The following RGS10 variants were observed in gnomAD, a reference collection of about 807,000 sequenced individuals.
The protein encoded by RGS10 is regulator of G-protein signalling 10.
RGS10 carries 11 observed loss-of-function variants against 23.5 expected under a neutral mutation model. That is an observed-to-expected ratio of 0.47 (90% CI 0.29 to 0.77). The LOEUF (loss-of-function observed/expected upper bound fraction) is 0.77, where lower values mean the gene tolerates loss of function less well. Ranked by LOEUF, RGS10 falls within the 30% of genes least tolerant of loss-of-function variation. The pLI is 0.08. For synonymous variants in RGS10, 77 were observed against 83.2 expected, an observed-to-expected ratio of 0.92 and a Z score of 0.41; for missense variants, 180 against 226.3, an observed-to-expected ratio of 0.80 and a Z score of 1.31.
intron 1 of RGS10, among the ~76,000 whole-genome samples, chr10:119,531,426 G>A (rs1490491551): frequency 6.6e-6 from 1 of 152,142 alleles, no homozygotes; most frequent in Non-Finnish European, 1.5e-5. Context: ...ACGCTGTCTT[G>A]CAAATAAATA....
chr10:119,505,040 A>G (rs143487487), intron 4 of RGS10, among the ~76,000 whole-genome samples: 1 of 152,266 alleles, frequency 6.6e-6, no homozygotes, highest in African/African-American at 2.4e-5. Context: ...AACACAGAAA[A>G]TGAGATGGGC....
rs900413550 is a variant in RGS10 at position 119,538,679 on chromosome 10, G to T, written c.49+3911C>A. Among the ~76,000 whole-genome samples the T allele has an allele frequency of 2.1e-4, 32 of 152,116 alleles. No homozygotes were observed. The highest frequency in any genetic ancestry group is 7.5e-4 in the African/African-American group (31 of 41,392). ...TTGACAGATGGGAACTTGCTTGGAAGGGAAATTTGTCCCCACAAGTCTGCA... is the reference window on the plus strand; with the variant it reads ...TTGACAGATGGGAACTTGCTTGGAATGGAAATTTGTCCCCACAAGTCTGCA... On this transcript the variant is annotated intron_variant, in intron 1 of 4. Transcript: ENST00000369103. The surrounding 1 kb of genome is among the most constrained non-coding windows in gnomAD (Gnocchi z 4.5).
chr10:119,538,830 G>A lies in RGS10; in HGVS notation c.49+3760C>T, dbSNP rs974313554. 2.6e-5 allele frequency among the ~76,000 whole-genome samples: 4 copies of A among 152,132 alleles called. No homozygotes were observed. Among genetic ancestry groups the A allele is most frequent in the Non-Finnish European group, 4.4e-5 (3 of 68,024 alleles). ...GCTGCTGCAGCAAAGAACTATCTGG[G>A]GGAAGCAGAAGAAACTTGGGGGCAT... On this transcript the variant is annotated intron_variant, in intron 1 of 4. Transcript: ENST00000369103. This position sits in a 1 kb window ranked among gnomAD's most constrained non-coding sequence, Gnocchi z 4.5.
chr10:119,541,941 T>C (rs985389555), intron 1 of RGS10, among the ~76,000 whole-genome samples: 4 of 152,286 alleles, frequency 2.6e-5, no homozygotes, highest in African/African-American at 9.6e-5. Flanking sequence ...ACCTTCACCG[T>C]GGGGTCTTTG....
intron 3 of RGS10, 85 bp downstream of exon 3, chr10:119,525,947 A>C: frequency 1.6e-6 from 1 of 631,810 alleles, no homozygotes; most frequent in Non-Finnish European, 2.7e-6. Context: ...AATATGAATC[A>C]GGTTTCTTTA....
chr10:119,537,781 C>T (rs1240223857), intron 1 of RGS10, among the ~76,000 whole-genome samples: 1 of 152,176 alleles, frequency 6.6e-6, no homozygotes, highest in Admixed American at 6.5e-5. Flanking sequence ...GAAATATTTA[C>T]CAAGTGAACT....
At chr10:119,513,453 C>T (rs1277476420) in intron 4 of RGS10, among the ~76,000 whole-genome samples, 1 of 151,830 alleles carries the variant, frequency 6.6e-6, no homozygotes, top group Non-Finnish European at 1.5e-5. Context: ...GAGGGACATC[C>T]TGTCGCAAAA....
At chr10:119,542,484 TG>T in intron 1 of RGS10, 105 bp downstream of exon 1, 1 of 1,019,566 alleles carries the variant, frequency 9.8e-7, no homozygotes, top group Non-Finnish European at 1.3e-6. Flanking sequence ...GGCTCCAGTC[TG>T]GGAGGTACCA....
intron 1 of RGS10, among the ~76,000 whole-genome samples, chr10:119,529,907 C>T (rs1844315439): frequency 6.6e-6 from 1 of 152,038 alleles, no homozygotes; most frequent in Admixed American, 6.6e-5. Context: ...TCATGGCCAA[C>T]ATGGTGAAAC....
intron 4 of RGS10, among the ~76,000 whole-genome samples, chr10:119,514,959 G>A (rs17616940): frequency 0.018 from 2,747 of 152,198 alleles, 43 homozygotes; most frequent in Non-Finnish European, 0.025. Context: ...GAGGCCCTCC[G>A]CAAGTCTCCT....
intron 1 of RGS10, among the ~76,000 whole-genome samples, chr10:119,528,909 C>G (rs892045222): frequency 1.3e-5 from 2 of 151,708 alleles, no homozygotes; most frequent in African/African-American, 4.8e-5. Context: ...TTTTGGCAAC[C>G]CTCTTACATT....
intron 1 of RGS10, among the ~76,000 whole-genome samples, chr10:119,531,308 T>C (rs1844327621): frequency 6.6e-6 from 1 of 152,224 alleles, no homozygotes; most frequent in Non-Finnish European, 1.5e-5. Context: ...TCTCTTGCCA[T>C]GGCAGAACCA....
At chr10:119,520,365 G>A (rs1263158130) in intron 3 of RGS10, among the ~76,000 whole-genome samples, 2 of 152,134 alleles carry the variant, frequency 1.3e-5, no homozygotes, top group East Asian at 1.9e-4. Flanking sequence ...AAGCGCGTCC[G>A]GAGACGGCAG....
intron 4 of RGS10, among the ~76,000 whole-genome samples, chr10:119,504,088 G>C (rs778881094): frequency 1.3e-5 from 2 of 152,228 alleles, no homozygotes; most frequent in Admixed American, 6.5e-5. Context: ...GCTGCAAAGA[G>C]AGTAACATGG....
intron 4 of RGS10, among the ~76,000 whole-genome samples, chr10:119,504,744 A>T (rs1213518431): frequency 1.3e-5 from 2 of 152,166 alleles, no homozygotes; most frequent in Non-Finnish European, 2.9e-5. Flanking sequence ...AGAGGGAGAC[A>T]TCGGTGATGC....
Position 119,538,912 on chromosome 10 carries a change from C to A in RGS10, c.49+3678G>T, listed in dbSNP as rs1449575550. ...AGAGCCCAGCATCTGGGGACTCACT[C>A]CACCCAGGGAGGGAAGTGACTCAGT... On this transcript the variant is annotated intron_variant, in intron 1 of 4. Transcript: ENST00000369103. The surrounding 1 kb of genome is among the most constrained non-coding windows in gnomAD (Gnocchi z 4.5). 6.6e-6 allele frequency among the ~76,000 whole-genome samples: 1 copy of A among 152,162 alleles called. No individual in the cohort carries two copies.
chr10:119,518,781 T>C (rs552921739), intron 3 of RGS10, among the ~76,000 whole-genome samples: 1 of 151,908 alleles, frequency 6.6e-6, no homozygotes, highest in Non-Finnish European at 1.5e-5. Context: ...CTCGGCTCAC[T>C]GCAAGCTCTG....
intron 4 of RGS10, among the ~76,000 whole-genome samples, chr10:119,509,431 A>AT (rs202230657): frequency 6.6e-6 from 1 of 151,570 alleles, no homozygotes; most frequent in African/African-American, 2.4e-5. Flanking sequence ...TTTACAAAAA[A>AT]TTAAAAAAAA....
rs59322683 is a variant in RGS10 at position 119,514,657 on chromosome 10, T to TA, written c.399+851dup. 1.2e-3 allele frequency among the ~76,000 whole-genome samples: 167 copies of TA among 141,774 alleles called. 1 individual carries two copies. The highest frequency in any genetic ancestry group is 2.8e-3 in the African/African-American group (106 of 37,848). The allele number at this position is 141,774 out of a possible 152,430, so 93.0% of individuals were successfully genotyped here. ...TGGGAGACAGAGTAAGACTCGGTAT[T>TA]AAAAAAAAAAAAAAAAAAGAACAAA... On this transcript the variant is annotated intron_variant, in intron 4 of 4. Coordinates refer to ENST00000369103, the MANE Select transcript of RGS10 (RefSeq NM_001005339.2).
Sources: gnomAD v4.1 joint callset for allele counts (sites outside exome capture counted in the v4.1 genomes callset) on GRCh38, gnomAD v4.1.1 for gene constraint, Gnocchi (gnomAD v3.1) non-coding constraint, MANE v1.5 for transcripts, NCBI Gene and HGNC (gene_info 2026-07-23, HGNC 2026-07-21) for gene names.